Variants in RAD54L2 observed in about 807,000 individuals in gnomAD.
RAD54L2 encodes the protein RAD54 like 2, also known as helicase ARIP4.
A neutral mutation model predicts 138.4 loss-of-function variants in RAD54L2; 27 were observed. The observed-to-expected ratio is 0.20, with a 90% CI of 0.14 to 0.27. The LOEUF is 0.27. RAD54L2 is among the 10% of genes least tolerant of loss of function. The pLI, the probability that RAD54L2 is intolerant of heterozygous loss-of-function variation, is 1.00. For missense variants in RAD54L2, 1,396 were observed against 1,890.2 expected (o/e 0.74, Z 4.85); for synonymous variants, 644 against 723.2 (o/e 0.89, Z 1.76).
intron 2 of RAD54L2, among the ~76,000 whole-genome samples, chr3:51,546,561 A>G (rs1362192792): frequency 6.6e-6 from 1 of 151,794 alleles, no homozygotes; most frequent in Admixed American, 6.6e-5. Flanking sequence ...AACCACTTGA[A>G]CCTGGGAGGC....
intron 2 of RAD54L2, among the ~76,000 whole-genome samples, chr3:51,561,978 C>T (rs1312968721): frequency 6.6e-6 from 1 of 151,852 alleles, no homozygotes. Context: ...AAGCAATCCC[C>T]CCACCTCAGC....
chr3:51,662,416 T>C lies in RAD54L2; in HGVS notation c.3410-10T>C. 1 of 1,506,916 alleles carries C rather than the reference T, an allele frequency of 6.6e-7. No homozygotes were observed. The highest frequency in any genetic ancestry group is 8.9e-7 in the Non-Finnish European group (1 of 1,126,198). 93.3% of individuals were successfully genotyped at this position (1,506,916 alleles called of 1,614,324 possible). A position where few individuals can be genotyped will look rare whatever the true frequency, so the allele number is the denominator to read the frequency against. On this transcript the variant is annotated splice_polypyrimidine_tract_variant and intron_variant, in intron 22 of 22. Coordinates refer to ENST00000684192, the MANE Select transcript of RAD54L2 (RefSeq NM_015106.4). The surrounding 1 kb of genome is among the most constrained non-coding windows in gnomAD (Gnocchi z 4.6). ...ACTCTGATTCTCAGTTAACTACATT[T>C]TGTCCCCAGGTTCCCAGGGACCTTC...
At chr3:51,576,306 CTCT>C (rs1699480013) in intron 2 of RAD54L2, among the ~76,000 whole-genome samples, 2 of 152,074 alleles carry the variant, frequency 1.3e-5, no homozygotes, top group Admixed American at 6.6e-5. Flanking sequence ...GTCTAAAATT[CTCT>C]TTTTTTGTTG....
intron 4 of RAD54L2, among the ~76,000 whole-genome samples, chr3:51,628,721 A>AT (rs1184679281): frequency 2.9e-4 from 43 of 147,894 alleles, no homozygotes; most frequent in African/African-American, 7.5e-4. Context: ...TGACAACACT[A>AT]TTTTTTTTTC....
At chr3:51,613,582 C>T (rs191653460) in intron 3 of RAD54L2, among the ~76,000 whole-genome samples, 37 of 152,150 alleles carry the variant, frequency 2.4e-4, no homozygotes, top group African/African-American at 8.7e-4. Context: ...GCCTGGCCAA[C>T]ATGGTGAAAC....
At chr3:51,539,944 G>A (rs572155841) in intron 1 of RAD54L2, among the ~76,000 whole-genome samples, 59 of 152,332 alleles carry the variant, frequency 3.9e-4, no homozygotes, top group African/African-American at 1.4e-3. Context: ...AGTGGTGACT[G>A]TCATTGACAA....
chr3:51,661,410 T>C (rs1265233432), intron 22 of RAD54L2, among the ~76,000 whole-genome samples: 1 of 152,282 alleles, frequency 6.6e-6, no homozygotes, highest in Non-Finnish European at 1.5e-5. Flanking sequence ...TAACACAATG[T>C]ATTAATTAGT....
chr3:51,560,150 A>G (rs1209642884), intron 2 of RAD54L2, among the ~76,000 whole-genome samples: 2 of 150,658 alleles, frequency 1.3e-5, no homozygotes, highest in Admixed American at 6.6e-5. Flanking sequence ...TGGCCTCTTC[A>G]GCAGTGTTGA....
At chr3:51,576,505 A>G (rs921332025) in intron 2 of RAD54L2, among the ~76,000 whole-genome samples, 2 of 152,110 alleles carry the variant, frequency 1.3e-5, no homozygotes, top group African/African-American at 2.4e-5. Context: ...TAGGCTATTA[A>G]TTATTGCCTC....
rs1294838422 is a variant in RAD54L2, at chr3:51,596,212, G to A, written c.139+5653G>A. 2.0e-5 allele frequency among the ~76,000 whole-genome samples: 3 copies of A among 147,104 alleles called. No homozygotes were observed. In the Admixed American group the frequency reaches 2.1e-4, roughly 10 times the overall value. ...CAAAGTGCTGGAATTACAGGCGTGA[G>A]CCACCGCTCCCGGCCTTACTTCACT... On this transcript the variant is annotated intron_variant, in intron 3 of 22. Transcript: ENST00000684192.
intron 2 of RAD54L2, among the ~76,000 whole-genome samples, chr3:51,554,436 A>C (rs1257725143): frequency 6.6e-6 from 1 of 151,898 alleles, no homozygotes; most frequent in Non-Finnish European, 1.5e-5. Context: ...ATGCAGGAGA[A>C]TCACTTGAAC....
Position 51,633,591 on chromosome 3 carries a change from G to C in RAD54L2, c.840G>C (p.Arg280=), listed in dbSNP as rs1700903710. ...AVKPHQIGGI[R]FLYDNLVESL... is the part of the protein sequence containing the mutation. ...TCCCTTGTCAGATTGGCGGGATCCG[G>C]TTCCTTTACGATAACCTAGTGGAGT... Residue 280 remains arginine, a synonymous_variant, in exon 8 of 23, where the codon CGG becomes CGC. Coordinates refer to ENST00000684192, the MANE Select transcript of RAD54L2 (RefSeq NM_015106.4). 1 of 1,613,608 alleles carries C rather than the reference G, an allele frequency of 6.2e-7. No individual in the cohort carries two copies. The highest frequency in any genetic ancestry group is 8.5e-7 in the Non-Finnish European group (1 of 1,179,582).
chr3:51,590,276 C>T (rs1699811536), intron 2 of RAD54L2, 91 bp from the exon 3 acceptor site: 2 of 950,214 alleles, frequency 2.1e-6, no homozygotes, highest in African/African-American at 1.7e-5. Flanking sequence ...CAGGCATGAG[C>T]CACTGTGCCC....
chr3:51,592,222 C>T (rs962703935), intron 3 of RAD54L2, among the ~76,000 whole-genome samples: 10 of 151,556 alleles, frequency 6.6e-5, no homozygotes, highest in African/African-American at 2.4e-4. Flanking sequence ...TGCCACCATG[C>T]CTGGCTAATT....
chr3:51,571,575 C>G lies in RAD54L2; in HGVS notation c.-54-18792C>G, dbSNP rs187773600. 3.3e-3 allele frequency among the ~76,000 whole-genome samples: 501 copies of G among 151,966 alleles called. 8 individuals are homozygous for G. Among genetic ancestry groups the G allele is most frequent in the African/African-American group, 0.011 (453 of 41,452 alleles). On this transcript the variant is annotated intron_variant, in intron 2 of 22. Transcript: ENST00000684192. ...TAGAGATGGGATTTCACTATGTTGA[C>G]CGGGGCAGTCTCAAACTTCTGACCT... is the stretch of plus-strand genomic sequence containing the variant.
chr3:51,575,358 A>G (rs1008607387), intron 2 of RAD54L2, among the ~76,000 whole-genome samples: 4 of 152,098 alleles, frequency 2.6e-5, no homozygotes, highest in African/African-American at 9.7e-5. Flanking sequence ...TATGAACTTT[A>G]AAGTAGTTTT....
chr3:51,549,802 G>A (rs1282973212), intron 2 of RAD54L2, among the ~76,000 whole-genome samples: 7 of 151,496 alleles, frequency 4.6e-5, no homozygotes, highest in Admixed American at 4.0e-4. Context: ...AAAAGGGGGT[G>A]GGGAAGGAAA....
intron 2 of RAD54L2, among the ~76,000 whole-genome samples, chr3:51,550,791 C>T (rs1464269840): frequency 6.6e-6 from 1 of 152,090 alleles, no homozygotes; most frequent in African/African-American, 2.4e-5. Flanking sequence ...CATGTAATCC[C>T]AGCATTTTGG....
chr3:51,560,128 AT>A (rs1273044416), intron 2 of RAD54L2, among the ~76,000 whole-genome samples: 1 of 150,648 alleles, frequency 6.6e-6, no homozygotes, highest in Non-Finnish European at 1.5e-5. Context: ...CTCCCACCCC[AT>A]GATATACCTA....
Sources: gnomAD v4.1 joint callset for allele counts (sites outside exome capture counted in the v4.1 genomes callset) on GRCh38, gnomAD v4.1.1 for gene constraint, Gnocchi (gnomAD v3.1) non-coding constraint, MANE v1.5 for transcripts, NCBI Gene and HGNC (gene_info 2026-07-23, HGNC 2026-07-21) for gene names.